The following MARK3 variants were observed in gnomAD, a reference collection of about 807,000 sequenced individuals.
The protein encoded by MARK3 is microtubule affinity regulating kinase 3.
Under a neutral mutation model 90.1 loss-of-function variants are expected in MARK3, and 46 were observed. The ratio of observed to expected loss-of-function variants is 0.51; its 90% CI spans 0.40 to 0.65. The LOEUF (loss-of-function observed/expected upper bound fraction) is 0.65, where lower values mean the gene tolerates loss of function less well. MARK3 is among the 30% of genes least tolerant of loss of function. MARK3 has a pLI of 0.00. For missense variants in MARK3, 818 were observed against 947.2 expected, an observed-to-expected ratio of 0.86 and a Z score of 1.79; for synonymous variants, 321 against 332.6, an observed-to-expected ratio of 0.97 and a Z score of 0.38.
chr14:103,490,990 C>T (rs951016017), intron 14 of MARK3: 18 of 1,286,344 alleles, frequency 1.4e-5, no homozygotes, highest in Non-Finnish European at 1.7e-5. Context: ...AGCCCTGCCT[C>T]AGTTTGTACA....
At chr14:103,483,057 C>A (rs1189800459) in intron 14 of MARK3, among the ~76,000 whole-genome samples, 1 of 152,162 alleles carries the variant, frequency 6.6e-6, no homozygotes, top group Non-Finnish European at 1.5e-5. Flanking sequence ...GGTTTAACTT[C>A]TTTAGTTAAG....
chr14:103,389,886 G>A (rs1276558220), intron 1 of MARK3, among the ~76,000 whole-genome samples: 3 of 146,104 alleles, frequency 2.1e-5, no homozygotes, highest in Admixed American at 1.4e-4. Context: ...GGAGAGTGCA[G>A]TGAGCTGAGA....
At chr14:103,475,297 T>G (rs1278656839) in intron 13 of MARK3, 87 bp downstream of exon 13, 26 of 1,099,506 alleles carry the variant, frequency 2.4e-5, no homozygotes, top group Middle Eastern at 3.0e-4. Context: ...TCCTGTGGTC[T>G]CTCGTACTGG....
chr14:103,446,044 C>T (rs940924883), intron 3 of MARK3, among the ~76,000 whole-genome samples: 6 of 152,300 alleles, frequency 3.9e-5, no homozygotes, highest in Non-Finnish European at 8.8e-5. Context: ...GACAGGCATG[C>T]TCCCTGTGGG....
chr14:103,446,800 C>T lies in MARK3; in HGVS notation c.298-2119C>T, dbSNP rs78981635. On this transcript the variant is annotated intron_variant, in intron 3 of 17. Coordinates refer to ENST00000429436, the MANE Select transcript of MARK3 (RefSeq NM_001128918.3). ...TGGCATGATCTCAGCTCACTGCAAC[C>T]TCCAGGAGGTGTTGTAATTTAGCAG... Among the ~76,000 whole-genome samples the T allele has an allele frequency of 5.3e-3, 784 of 147,054 alleles. 5 individuals are homozygous for T. Among genetic ancestry groups the T allele is most frequent in the African/African-American group, 0.019 (750 of 39,358 alleles).
At chr14:103,386,924 TGTA>T (rs1339311408) in intron 1 of MARK3, among the ~76,000 whole-genome samples, 2 of 152,224 alleles carry the variant, frequency 1.3e-5, no homozygotes, top group Non-Finnish European at 2.9e-5. Flanking sequence ...AATGAGAACT[TGTA>T]GTAGAAATTC....
chr14:103,474,482 T>TCTACACCTTCCCCTGTCTACTCAA (rs11275313), intron 12 of MARK3, among the ~76,000 whole-genome samples: 51,263 of 151,386 alleles, frequency 0.34, 9,134 homozygotes, highest in South Asian at 0.48. Flanking sequence ...TTCCTCTGCT[T>TCTACACCTTCCCCTGTCTACTCAA]CTACACCTTC....
At chr14:103,466,188 C>A in intron 9 of MARK3, 97 bp downstream of exon 9, 1 of 1,460,796 alleles carries the variant, frequency 6.8e-7, no homozygotes, top group Non-Finnish European at 9.3e-7. Context: ...ATATATCCTG[C>A]GGCTTTTTAA....
At chr14:103,470,453 C>CAATTTTTTTTTTTTTTTT (rs1299534465) in intron 12 of MARK3, among the ~76,000 whole-genome samples, 585 of 24,024 alleles carry the variant, frequency 0.024, 26 homozygotes, top group Non-Finnish European at 0.036. Context: ...GGAACTAAAT[C>CAATTTTTTTTTTTTTTTT]TATTTTTTTT....
In MARK3 at chr14:103,420,909, T is replaced by TC. The variant is rs142645062; in HGVS notation, c.244-7477dup. 3.4e-3 allele frequency among the ~76,000 whole-genome samples: 511 copies of TC among 152,280 alleles called. 5 individuals carry two copies. The highest frequency in any genetic ancestry group is 0.012 in the African/African-American group (486 of 41,552). On this transcript the variant is annotated intron_variant, in intron 2 of 17. Coordinates refer to ENST00000429436, the MANE Select transcript of MARK3 (RefSeq NM_001128918.3). ...TGTGATCTATTTAATGCCTTTTTTT[T>TC]CATTTTTGTACTTTTTGTTGATGAT... is the stretch of plus-strand genomic sequence containing the variant.
chr14:103,493,177 G>A (rs2075103406), intron 15 of MARK3, among the ~76,000 whole-genome samples: 1 of 151,058 alleles, frequency 6.6e-6, no homozygotes. Flanking sequence ...CTGAAACTTC[G>A]GTGAGTCACA....
chr14:103,487,200 G>A (rs1333067499), intron 14 of MARK3, among the ~76,000 whole-genome samples: 11 of 150,614 alleles, frequency 7.3e-5, no homozygotes, highest in Admixed American at 6.6e-4. Context: ...TACAGGCGTG[G>A]GCCACCACGC....
intron 1 of MARK3, among the ~76,000 whole-genome samples, chr14:103,391,380 A>G (rs550853571): frequency 2.0e-4 from 31 of 152,332 alleles, no homozygotes; most frequent in African/African-American, 7.0e-4. Context: ...AAGCTTTTAG[A>G]AGAGATAAAG....
chr14:103,393,994 A>C (rs531940219), intron 1 of MARK3, among the ~76,000 whole-genome samples: 5 of 152,286 alleles, frequency 3.3e-5, no homozygotes, highest in African/African-American at 1.2e-4. Context: ...TTGGCCTCCC[A>C]AAGTGCTGGG....
At chr14:103,393,174 G>C (rs924947769) in intron 1 of MARK3, among the ~76,000 whole-genome samples, 1 of 152,004 alleles carries the variant, frequency 6.6e-6, no homozygotes, top group African/African-American at 2.4e-5. Context: ...GTAGAGACTG[G>C]GTTTCACCAT....
chr14:103,409,415 A>G (rs983291721), intron 2 of MARK3, among the ~76,000 whole-genome samples: 1 of 132,702 alleles, frequency 7.5e-6, no homozygotes, highest in Non-Finnish European at 1.5e-5. Flanking sequence ...CGTTCTGCAC[A>G]TGTATCCCAG....
chr14:103,425,683 CT>C (rs1449883188), intron 2 of MARK3, among the ~76,000 whole-genome samples: 2 of 152,170 alleles, frequency 1.3e-5, no homozygotes, highest in Non-Finnish European at 2.9e-5. Flanking sequence ...TCAGTATTTT[CT>C]TTTGCTTATT....
At chr14:103,458,441 A>G (rs1435582200) in intron 6 of MARK3, among the ~76,000 whole-genome samples, 2 of 128,954 alleles carry the variant, frequency 1.6e-5, no homozygotes, top group African/African-American at 2.9e-5. Flanking sequence ...CCTGGGTGAC[A>G]GAGACTCCAT....
At chr14:103,432,438 C>T (rs999141766) in intron 3 of MARK3, among the ~76,000 whole-genome samples, 8 of 152,130 alleles carry the variant, frequency 5.3e-5, no homozygotes, top group Non-Finnish European at 1.0e-4. Flanking sequence ...TCCTCCCTCC[C>T]TTCCTTCCAC....
Sources: gnomAD v4.1 joint callset for allele counts (sites outside exome capture counted in the v4.1 genomes callset) on GRCh38, gnomAD v4.1.1 for gene constraint, MANE v1.5 for transcripts, NCBI Gene and HGNC (gene_info 2026-07-23, HGNC 2026-07-21) for gene names.